Variants in PCNX2 observed in about 807,000 individuals in gnomAD.
PCNX2 encodes the protein pecanex 2.
PCNX2 carries 168 observed loss-of-function variants against 223.8 expected under a neutral mutation model. That is an observed-to-expected ratio of 0.75 (90% confidence interval 0.66 to 0.85). The LOEUF is 0.85. Ranked by LOEUF, PCNX2 falls within the 40% of genes least tolerant of loss-of-function variation. The pLI is 0.00. For synonymous variants in PCNX2, 1,006 were observed against 1,052.6 expected (o/e 0.96, Z 0.86); for missense variants, 2,507 against 2,675.5 (o/e 0.94, Z 1.39).
At position 233,177,830 on chromosome 1, in the gene PCNX2, G is replaced by A. The variant is rs770231961; in HGVS notation, c.3245C>T (p.Pro1082Leu). 12 of 1,613,838 alleles carry A rather than the reference G, an allele frequency of 7.4e-6. No homozygotes were observed. Among genetic ancestry groups the A allele is most frequent in the Non-Finnish European group, 8.5e-6 (10 of 1,179,758 alleles). ...HQNLAESAAD[P>L]LPKKMKDSVT... ...TGAATCTTTCATCTTCTTGGGGAGA[G>A]GGTCAGCAGCTGACTCTGCCAGATT... Residue 1082 changes from proline to leucine, a missense_variant, in exon 17 of 34, where the codon CCT (proline) becomes CTT (leucine). Pro to Leu is a moderately conservative substitution (Grantham distance 98, BLOSUM62 -3). Around this residue, in one of 3 missense-constraint regions of PCNX2, gnomAD observed 1,372 missense variants for 1,509.4 expected, o/e 0.91. Transcript: ENST00000258229.
chr1:233,181,767 A>T (rs1679815135), intron 15 of PCNX2, among the ~76,000 whole-genome samples: 1 of 152,156 alleles, frequency 6.6e-6, no homozygotes, highest in Non-Finnish European at 1.5e-5. Flanking sequence ...ATGGTAGAAG[A>T]TGCAAGAGAG....
At chr1:233,131,234 C>T (rs1229189064) in intron 21 of PCNX2, among the ~76,000 whole-genome samples, 1 of 152,136 alleles carries the variant, frequency 6.6e-6, no homozygotes, top group African/African-American at 2.4e-5. Context: ...AGGACAAGAC[C>T]TGTCATGAGC....
At chr1:233,213,889 C>T (rs929176221) in intron 12 of PCNX2, among the ~76,000 whole-genome samples, 5 of 127,042 alleles carry the variant, frequency 3.9e-5, no homozygotes, top group Admixed American at 2.0e-4. Flanking sequence ...AGTGTAGTGG[C>T]GCGATCTTGG....
At chr1:233,048,276 G>A (rs911486812) in intron 25 of PCNX2, among the ~76,000 whole-genome samples, 2 of 152,164 alleles carry the variant, frequency 1.3e-5, no homozygotes, top group African/African-American at 2.4e-5. Flanking sequence ...GGCCAACATG[G>A]TGAAACCCCA....
rs78618569 is a variant in PCNX2, at chr1:233,168,682, A to T, written c.3274-7319T>A. ...CTGAAATCATTATCTTTATATACTA[A>T]TTTTTTTTCATATTTTGAATTAATT... On this transcript the variant is annotated intron_variant, in intron 17 of 33. Coordinates refer to ENST00000258229, the MANE Select transcript of PCNX2 (RefSeq NM_014801.4). 5.4e-3 allele frequency among the ~76,000 whole-genome samples: 826 copies of T among 151,896 alleles called. 8 individuals carry two copies. Among genetic ancestry groups the T allele is most frequent in the African/African-American group, 0.019 (779 of 41,452 alleles).
At chr1:233,289,628 T>A (rs963238101) in intron 1 of PCNX2, among the ~76,000 whole-genome samples, 7 of 152,194 alleles carry the variant, frequency 4.6e-5, no homozygotes, top group Non-Finnish European at 2.9e-5. Flanking sequence ...GGATCAGGCA[T>A]CTCAATGCAA....
At chr1:232,984,774 C>G in intron 33 of PCNX2, 1 of 313,376 alleles carries the variant, frequency 3.2e-6, no homozygotes, top group South Asian at 5.2e-5. Flanking sequence ...GGCTTTCTAG[C>G]TGTAGTCAGT....
chr1:233,151,871 A>G (rs1209769249), intron 19 of PCNX2, among the ~76,000 whole-genome samples: 1 of 152,162 alleles, frequency 6.6e-6, no homozygotes, highest in Non-Finnish European at 1.5e-5. Flanking sequence ...GATGGGGTAC[A>G]GGCGTGAGCC....
rs1163819759 is a variant in PCNX2, at chr1:233,285,091, G to A, written c.153+10235C>T. 6 of 862,598 alleles carry A rather than the reference G, an allele frequency of 7.0e-6. No homozygotes were observed. The South Asian group carries it at 1.6e-4, about 23-fold the overall frequency. 53.4% of individuals were successfully genotyped at this position (862,598 alleles called of 1,614,324 possible). On this transcript the variant is annotated intron_variant, in intron 1 of 33. Transcript: ENST00000258229. ...AATAGGGCCGGGTGCAGTGGTTCAC[G>A]CCTGTAATCCCAACACTTCGGGAGG...
intron 12 of PCNX2, 147 bp from the exon 13 acceptor site, chr1:233,208,836 A>AAAAAAAAAAAAAAAAAG (rs1681652814): frequency 1.8e-6 from 1 of 551,686 alleles, no homozygotes; most frequent in East Asian, 3.7e-5. Context: ...CAAAAAAAAA[A>AAAAAAAAAAAAAAAAAG]AAAAAAAAAA....
chr1:233,227,355 A>G lies in PCNX2; in HGVS notation c.2375T>C (p.Leu792Pro). ...SETPRHVSQD[L>P]EASSCSSTQG... ...TGTTGAAGAACATGACGAGGCTTCCAGATCCTGACTCACATGCTTTTAGAT... is the reference window on the plus strand; with the variant it reads ...TGTTGAAGAACATGACGAGGCTTCCGGATCCTGACTCACATGCTTTTAGAT... The change falls in exon 10 of 34, where the codon CTG becomes CCG. Residue 792 changes from leucine to proline, a missense_variant. This residue lies in a region of PCNX2 where 1,031 missense variants were observed against 1,021.7 expected (regional missense o/e 1.01). Coordinates refer to ENST00000258229, the MANE Select transcript of PCNX2 (RefSeq NM_014801.4). 1.2e-6 allele frequency: 2 copies of G among 1,613,230 alleles called. No homozygotes were observed. Among genetic ancestry groups the G allele is most frequent in the Non-Finnish European group, 1.7e-6 (2 of 1,179,532 alleles).
the PCNX2 span, among the ~76,000 whole-genome samples, chr1:233,318,001 T>C: frequency 6.6e-6 from 1 of 152,200 alleles, no homozygotes; most frequent in Non-Finnish European, 1.5e-5. Flanking sequence ...CACCAAATTA[T>C]ACCACCCAGG....
chr1:233,008,150 T>C (rs1176867688), intron 28 of PCNX2, among the ~76,000 whole-genome samples: 3 of 152,214 alleles, frequency 2.0e-5, no homozygotes, highest in Non-Finnish European at 4.4e-5. Flanking sequence ...ATTGAGAGTG[T>C]ATTAATACTG....
chr1:233,218,209 CAAAAAAAAA>C (rs34818026), intron 10 of PCNX2, 25 bp from the exon 11 acceptor site: 11,325 of 274,200 alleles, frequency 0.041, 97 homozygotes, highest in East Asian at 0.061. Context: ...TACATAAAAG[CAAAAAAAAA>C]AAAAAAAAAA....
rs769415828 is a variant in PCNX2, at chr1:233,208,515, C to T, written c.2863+3G>A. On this transcript the variant is annotated splice_donor_region_variant and intron_variant, in intron 13 of 33. Coordinates refer to ENST00000258229, the MANE Select transcript of PCNX2 (RefSeq NM_014801.4). ...CTTCCCCACAACCCCATAATTAACT[C>T]ACCTATTAAGTAGTCCCTAGCTGAT... 5 of 1,609,678 alleles carry T rather than the reference C, an allele frequency of 3.1e-6. No homozygotes were observed. The East Asian group carries it at 8.9e-5, about 29-fold the overall frequency.
intron 17 of PCNX2, among the ~76,000 whole-genome samples, chr1:233,168,476 AG>A (rs777917704): frequency 1.3e-5 from 2 of 152,104 alleles, no homozygotes; most frequent in South Asian, 4.1e-4. Context: ...ATAATTGTAT[AG>A]GCTCACTAAT....
At chr1:233,174,810 A>T (rs1441434360) in intron 17 of PCNX2, among the ~76,000 whole-genome samples, 1 of 152,196 alleles carries the variant, frequency 6.6e-6, no homozygotes, top group African/African-American at 2.4e-5. Flanking sequence ...CGGAAAGTTT[A>T]TATCTTTATT....
chr1:233,129,138 G>T (rs1260626687), intron 21 of PCNX2, among the ~76,000 whole-genome samples: 2 of 152,384 alleles, frequency 1.3e-5, no homozygotes, highest in East Asian at 3.9e-4. Context: ...GGCGTGGGCG[G>T]GAACCTGGGC....
intron 23 of PCNX2, among the ~76,000 whole-genome samples, chr1:233,086,531 C>T (rs945267223): frequency 6.6e-6 from 1 of 151,754 alleles, no homozygotes; most frequent in Non-Finnish European, 1.5e-5. Flanking sequence ...ATTAGTCAGG[C>T]GTGGTGGCGG....
Sources: gnomAD v4.1 joint callset for allele counts (sites outside exome capture counted in the v4.1 genomes callset) on GRCh38, gnomAD v4.1.1 for gene constraint, gnomAD v4.1.1 regional missense constraint, MANE v1.5 for transcripts, NCBI Gene and HGNC (gene_info 2026-07-23, HGNC 2026-07-21) for gene names.